RBFOX1: variants seen among roughly 807,000 people sequenced by gnomAD.
RBFOX1 encodes RNA binding fox-1 homolog 1.
Under a neutral mutation model 57.7 loss-of-function variants are expected in RBFOX1, and 8 were observed. The ratio of observed to expected loss-of-function variants is 0.14; its 90% confidence interval spans 0.08 to 0.25. RBFOX1 has a LOEUF of 0.25. Ranked by LOEUF, RBFOX1 falls within the 10% of genes least tolerant of loss-of-function variation. The probability of loss-of-function intolerance (pLI) is 1.00; values close to 1 mark genes in which losing one functional copy is unlikely to be tolerated. For synonymous variants in RBFOX1, 326 were observed against 222.4 expected, an observed-to-expected ratio of 1.47 and a Z score of -4.15; for missense variants, 611 against 548.5, an observed-to-expected ratio of 1.11 and a Z score of -1.14.
chr16:6,406,195 T>C (rs920526476), intron 2 of RBFOX1, among the ~76,000 whole-genome samples: 1 of 152,218 alleles, frequency 6.6e-6, no homozygotes, highest in African/African-American at 2.4e-5. Context: ...GAATGCTCTG[T>C]CATTGAAGCA....
intron 3 of RBFOX1, among the ~76,000 whole-genome samples, chr16:5,699,831 A>AT (rs747575635): frequency 4.1e-4 from 63 of 152,130 alleles, no homozygotes; most frequent in Non-Finnish European, 8.7e-4. Flanking sequence ...TTCTGGTTTT[A>AT]TTATTTATTT....
intron 4 of RBFOX1, among the ~76,000 whole-genome samples, chr16:7,120,700 A>G (rs570440850): frequency 3.2e-3 from 483 of 150,984 alleles, no homozygotes; most frequent in African/African-American, 0.011. Flanking sequence ...TTGGGAAAAA[A>G]AAAAAAAAAC....
At chr16:7,000,063 C>G (rs987810928) in intron 3 of RBFOX1, among the ~76,000 whole-genome samples, 18 of 116,698 alleles carry the variant, frequency 1.5e-4, no homozygotes, top group African/African-American at 5.4e-4. Flanking sequence ...CAGGGAGACT[C>G]TGTTTCAAAG....
intron 4 of RBFOX1, among the ~76,000 whole-genome samples, chr16:7,349,475 G>C (rs1568348513): frequency 6.6e-6 from 1 of 152,182 alleles, no homozygotes; most frequent in Non-Finnish European, 1.5e-5. Context: ...AATGGCATTA[G>C]GATGAGGTCT....
At chr16:5,321,254 G>T (rs1472926769) in intron 1 of RBFOX1, among the ~76,000 whole-genome samples, 10 of 152,236 alleles carry the variant, frequency 6.6e-5, no homozygotes. Flanking sequence ...CCTGAGGGGT[G>T]GGAGTGAGAA....
At chr16:6,314,115 G>C (rs1378519810) in intron 1 of RBFOX1, among the ~76,000 whole-genome samples, 2 of 152,190 alleles carry the variant, frequency 1.3e-5, no homozygotes, top group Non-Finnish European at 2.9e-5. Context: ...TGGGTACCAA[G>C]TACGGTAGCA....
At position 6,349,812 on chromosome 16, in the gene RBFOX1, T is replaced by C. The variant is rs17139901; in HGVS notation, c.-64+32755T>C. ...TTCCCCATGGTTTTCCAATACTTTA[T>C]AGGAAAAATGATTAATAAGATATCC... On this transcript the variant is annotated intron_variant, in intron 2 of 15. Transcript: ENST00000550418. Among the ~76,000 whole-genome samples the C allele has an allele frequency of 1.6e-3, 248 of 152,196 alleles. 4 individuals are homozygous for C. The highest frequency in any genetic ancestry group is 5.7e-3 in the African/African-American group (236 of 41,528).
At chr16:7,371,350 A>C (rs1181786700) in intron 4 of RBFOX1, among the ~76,000 whole-genome samples, 1 of 152,236 alleles carries the variant, frequency 6.6e-6, no homozygotes, top group African/African-American at 2.4e-5. Flanking sequence ...TGATGCTAGT[A>C]ACGGAAGACG....
At chr16:5,429,788 A>G (rs1321127567) in intron 1 of RBFOX1, among the ~76,000 whole-genome samples, 1 of 152,162 alleles carries the variant, frequency 6.6e-6, no homozygotes, top group Non-Finnish European at 1.5e-5. Context: ...TGGCTGATGG[A>G]GTGATTTAGT....
intron 2 of RBFOX1, among the ~76,000 whole-genome samples, chr16:5,590,854 G>A (rs2046984011): frequency 6.6e-6 from 1 of 152,150 alleles, no homozygotes; most frequent in Non-Finnish European, 1.5e-5. Flanking sequence ...CCTACCCTGG[G>A]AACAGGAGGG....
chr16:7,450,926 A>G (rs1408301371), intron 4 of RBFOX1, among the ~76,000 whole-genome samples: 1 of 152,170 alleles, frequency 6.6e-6, no homozygotes, highest in African/African-American at 2.4e-5. Context: ...GTTGGTAACT[A>G]AAAGGCCAGC....
chr16:5,881,516 C>T (rs1365941876), intron 4 of RBFOX1, among the ~76,000 whole-genome samples: 2 of 151,822 alleles, frequency 1.3e-5, no homozygotes, highest in East Asian at 1.9e-4. Flanking sequence ...ACTGTCTGTA[C>T]CAAAAATACA....
At chr16:5,556,005 A>G (rs1055291395) in intron 2 of RBFOX1, among the ~76,000 whole-genome samples, 2 of 151,720 alleles carry the variant, frequency 1.3e-5, no homozygotes, top group African/African-American at 4.9e-5. Flanking sequence ...TGGGCAAGAG[A>G]GTGAGACTCT....
At chr16:6,896,187 C>A (rs1349898793) in intron 3 of RBFOX1, among the ~76,000 whole-genome samples, 3 of 152,110 alleles carry the variant, frequency 2.0e-5, no homozygotes, top group Non-Finnish European at 4.4e-5. Context: ...GCAGGAGAAT[C>A]ACTTGAACCT....
At chr16:6,658,343 C>A (rs915849131) in intron 3 of RBFOX1, among the ~76,000 whole-genome samples, 2 of 151,516 alleles carry the variant, frequency 1.3e-5, no homozygotes, top group African/African-American at 2.4e-5. Context: ...CGGGTTCAAG[C>A]GATTCTCCTG....
intron 2 of RBFOX1, among the ~76,000 whole-genome samples, chr16:5,532,375 A>C (rs796819596): frequency 1.1e-4 from 16 of 152,324 alleles, no homozygotes; most frequent in African/African-American, 3.6e-4. Context: ...CTCAATGTGT[A>C]GAATACGGCA....
intron 4 of RBFOX1, among the ~76,000 whole-genome samples, chr16:5,915,714 C>A (rs1253702666): frequency 6.6e-6 from 1 of 152,220 alleles, no homozygotes; most frequent in East Asian, 1.9e-4. Context: ...TGCCTGTAAT[C>A]TCAGCTACTC....
chr16:6,149,934 A>G (rs571685843), intron 1 of RBFOX1, among the ~76,000 whole-genome samples: 10 of 152,346 alleles, frequency 6.6e-5, no homozygotes, highest in Non-Finnish European at 1.3e-4. Flanking sequence ...TTGAGCAGTA[A>G]CTGATTCAGA....
chr16:6,253,193 C>G (rs1408964805), intron 1 of RBFOX1, among the ~76,000 whole-genome samples: 2 of 152,174 alleles, frequency 1.3e-5, no homozygotes, highest in African/African-American at 4.8e-5. Flanking sequence ...AATTCTATTT[C>G]TCCTAGAGGA....
Sources: allele counts gnomAD v4.1 joint callset (sites outside exome capture counted in the v4.1 genomes callset), GRCh38; gene constraint gnomAD v4.1.1; transcripts MANE v1.5; gene names NCBI Gene and HGNC (gene_info 2026-07-23, HGNC 2026-07-21).